Variants in C17orf75 observed in about 807,000 individuals in gnomAD.
C17orf75 encodes protein Njmu-R1.
A neutral mutation model predicts 49.6 loss-of-function variants in C17orf75; 32 were observed. The observed-to-expected ratio is 0.65, with a 90% CI of 0.49 to 0.87. C17orf75 has a LOEUF of 0.87. Among genes scored for constraint, C17orf75 ranks in the 40% least tolerant of loss-of-function variants. C17orf75 has a pLI of 0.00. For missense variants in C17orf75, 428 were observed against 473.9 expected (o/e 0.90, Z 0.90); for synonymous variants, 158 against 159.5 (o/e 0.99, Z 0.07).
chr17:32,337,798 C>T (rs2041340098), intron 5 of C17orf75, 99 bp downstream of exon 5: 1 of 1,000,930 alleles, frequency 1.0e-6, no homozygotes, highest in East Asian at 2.7e-5. Context: ...ACCTTGTGAT[C>T]TGCCCACCTC....
intron 4 of C17orf75, 99 bp from the exon 5 acceptor site, chr17:32,338,053 G>A: frequency 6.6e-7 from 1 of 1,516,918 alleles, no homozygotes; most frequent in Non-Finnish European, 9.1e-7. Context: ...AGCTGCAAAT[G>A]CAAACAAGCC....
upstream of C17orf75, chr17:32,342,185 C>T: frequency 1.3e-6 from 2 of 1,486,668 alleles, no homozygotes; most frequent in Middle Eastern, 1.8e-4. Context: ...AACCGCTCCC[C>T]TGCTCCCGTG....
At position 32,329,106 on chromosome 17, in the gene C17orf75, G is replaced by T. The variant is rs1439102686; in HGVS notation, c.*2657C>A. The T allele has an allele frequency of 6.7e-6, 1 of 148,470 alleles. No homozygotes were observed. 9.2% of individuals were successfully genotyped at this position (148,470 alleles called of 1,614,324 possible). A position where few individuals can be genotyped will look rare whatever the true frequency, so the allele number is the denominator to read the frequency against. ...TTTTGAGACGGAGTCTCGCTCTGTC[G>T]CCCAGGCTTGAGTGCAGTGGTGTGA... On this transcript the variant is annotated 3_prime_UTR_variant, in exon 10 of 10. Coordinates refer to ENST00000577809, the MANE Select transcript of C17orf75 (RefSeq NM_022344.4).
chr17:32,344,215 T>C (rs1476502728), upstream of C17orf75: 1 of 414,346 alleles, frequency 2.4e-6, no homozygotes, highest in Non-Finnish European at 4.4e-6. Flanking sequence ...CTCAGGCTGG[T>C]CTTGAACTCC....
intron 2 of C17orf75, among the ~76,000 whole-genome samples, chr17:32,340,148 C>T (rs2041364762): frequency 6.6e-6 from 1 of 152,180 alleles, no homozygotes; most frequent in South Asian, 2.1e-4. Flanking sequence ...CTTTCCAGCT[C>T]ATTCTCTCCA....
intron 1 of C17orf75, chr17:32,341,713 G>T: frequency 1.3e-6 from 1 of 771,746 alleles, no homozygotes; most frequent in Non-Finnish European, 1.6e-6. Context: ...GCGGGGCACT[G>T]CGCTAAACAA....
intron 2 of C17orf75, 132 bp from the exon 3 acceptor site, chr17:32,340,070 G>A: frequency 9.6e-7 from 1 of 1,036,578 alleles, no homozygotes; most frequent in Non-Finnish European, 1.4e-6. Flanking sequence ...ACCCCTATTG[G>A]TGAGGCTTCT....
At chr17:32,338,560 T>G (rs1477747783) in intron 3 of C17orf75, among the ~76,000 whole-genome samples, 1 of 152,158 alleles carries the variant, frequency 6.6e-6, no homozygotes, top group Non-Finnish European at 1.5e-5. Context: ...AAGCAGCCAC[T>G]AACATACATG....
chr17:32,343,306 T>TG (rs967651964), upstream of C17orf75, among the ~76,000 whole-genome samples: 3 of 88,228 alleles, frequency 3.4e-5, no homozygotes, highest in African/African-American at 1.5e-4. Flanking sequence ...GTGTTTTGTG[T>TG]TTTTTTTTTT....
intron 1 of C17orf75, among the ~76,000 whole-genome samples, chr17:32,348,413 T>C (rs1272325149): frequency 1.3e-5 from 2 of 152,186 alleles, no homozygotes; most frequent in Non-Finnish European, 2.9e-5. Flanking sequence ...AAGTCTCTTT[T>C]ATCTCATCTC....
rs2041386362 is a variant in C17orf75 at position 32,342,028 on chromosome 17, A to G, written c.112T>C (p.Tyr38His). The G allele has an allele frequency of 6.5e-7, 1 of 1,544,948 alleles. No individual in the cohort carries two copies. The highest frequency in any genetic ancestry group is 1.4e-5 in the African/African-American group (1 of 72,508). The change falls in exon 1 of 10, where the codon TAC (tyrosine) becomes CAC (histidine). Residue 38 changes from tyrosine (Y) to histidine (H), a missense_variant. By Grantham distance (83) the Tyr-to-His change is moderately conservative (BLOSUM62 2). Coordinates refer to ENST00000577809, the MANE Select transcript of C17orf75 (RefSeq NM_022344.4). Reference sequence around the variant, plus strand: ...CTTCCGCGATAGCTGTAAAGACAGTAGTGGCTGCTGGACGGCGGCTCGAGT... The same window carrying G: ...CTTCCGCGATAGCTGTAAAGACAGTGGTGGCTGCTGGACGGCGGCTCGAGT... ...RRLEPPSSSH[Y>H]CLYSYRGSRL...
At chr17:32,334,133 G>T (rs1168906254) in intron 8 of C17orf75, among the ~76,000 whole-genome samples, 5 of 152,144 alleles carry the variant, frequency 3.3e-5, no homozygotes, top group Admixed American at 6.6e-5. Flanking sequence ...TCCATTGCAT[G>T]AATATAGCAG....
In C17orf75 at chr17:32,339,882, A is replaced by G. The variant is rs1301660975; in HGVS notation, c.278T>C (p.Phe93Ser). Residue 93 changes from phenylalanine to serine, a missense_variant, in exon 3 of 10, where the codon TTC (phenylalanine) becomes TCC (serine). Physicochemically the swap from Phe to Ser is radical, Grantham distance 155 (BLOSUM62 -2). Transcript: ENST00000577809. ...PSEVEPELRS[F>S]IAKRLSRGAV... The stretch of plus-strand genomic sequence containing the variant: ...ACCTCTTGAAAGACGCTTAGCAATG[A>G]AACTGCGCAGCTCTGGCTCCACTTC... 6.2e-7 allele frequency: 1 copy of G among 1,614,066 alleles called. No individual in the cohort carries two copies. The highest frequency in any genetic ancestry group is 2.2e-5 in the East Asian group (1 of 44,892).
Position 32,333,429 on chromosome 17 carries a change from G to A in C17orf75, c.963C>T (p.Asn321=). 6.2e-7 allele frequency: 1 copy of A among 1,607,014 alleles called. No individual in the cohort carries two copies. The highest frequency in any genetic ancestry group is 1.3e-5 in the African/African-American group (1 of 74,540). Residue 321 remains asparagine (N), a synonymous_variant, in exon 9 of 10, where the codon AAC becomes AAT. Transcript: ENST00000577809. Reference sequence around the variant, plus strand: ...GCCAACTAATTACCTTTAGTTTAAAGTTCTCCAGTACTTGTCGGAAAAGAA... The same window carrying A: ...GCCAACTAATTACCTTTAGTTTAAAATTCTCCAGTACTTGTCGGAAAAGAA... ...NPFLFRQVLE[N]FKLKAIQDTN... is the part of the protein sequence containing the mutation.
rs757903320 is a variant in C17orf75, at chr17:32,339,841, G to A, written c.319C>T (p.Leu107=). 1.2e-6 allele frequency: 2 copies of A among 1,613,962 alleles called. No homozygotes were observed. Among genetic ancestry groups the A allele is most frequent in the Non-Finnish European group, 1.7e-6 (2 of 1,179,880 alleles). The change falls in exon 3 of 10, where the codon CTG becomes TTG. Residue 107 remains leucine (L), a synonymous_variant. Coordinates refer to ENST00000577809, the MANE Select transcript of C17orf75 (RefSeq NM_022344.4). The stretch of plus-strand genomic sequence containing the variant: ...AGCTCCACAGATGCAACATTACCCA[G>A]CCCTTCAAAGACTGCACCTCTTGAA... ...RLSRGAVFEG[L]GNVASVELKI... is the part of the protein sequence containing the mutation.
chr17:32,346,370 C>T (rs950632635), upstream of C17orf75, among the ~76,000 whole-genome samples: 12 of 152,142 alleles, frequency 7.9e-5, no homozygotes, highest in Admixed American at 5.2e-4. Context: ...CAGTGTGCTA[C>T]GATTGCACCA....
chr17:32,348,458 G>C (rs1478926552), intron 1 of C17orf75, among the ~76,000 whole-genome samples: 1 of 152,126 alleles, frequency 6.6e-6, no homozygotes, highest in Non-Finnish European at 1.5e-5. Flanking sequence ...TCCTACCCCA[G>C]AGGCTGAGAC....
chr17:32,343,860 C>A (rs1265029255), upstream of C17orf75: 13 of 677,610 alleles, frequency 1.9e-5, no homozygotes, highest in Middle Eastern at 9.6e-4. Context: ...AGCAGAAGAA[C>A]TTCCTGGAGA....
chr17:32,333,342 TTACTCTGTCACTGG>T, intron 9 of C17orf75, 61 bp downstream of exon 9: 1 of 1,008,762 alleles, frequency 9.9e-7, no homozygotes, highest in Non-Finnish European at 1.5e-6. Context: ...AAGCAATTTG[TTACTCTGTCACTGG>T]TACTAATTAA....
Sources: allele counts gnomAD v4.1 joint callset (sites outside exome capture counted in the v4.1 genomes callset), GRCh38; gene constraint gnomAD v4.1.1; transcripts MANE v1.5; gene names NCBI Gene and HGNC (gene_info 2026-07-23, HGNC 2026-07-21).